HEATR5A: variants seen among roughly 807,000 people sequenced by gnomAD.
HEATR5A encodes the protein HEAT repeat containing 5A.
In HEATR5A, 178 loss-of-function variants were observed where a neutral mutation model predicts 218.8. The observed-to-expected ratio is 0.81, with a 90% CI of 0.72 to 0.92. The LOEUF (loss-of-function observed/expected upper bound fraction) is 0.92. HEATR5A is among the 40% of genes least tolerant of loss of function. The pLI, the probability that HEATR5A is intolerant of heterozygous loss-of-function variation, is 0.00. For missense variants in HEATR5A, 2,420 were observed against 2,418.9 expected (o/e 1.00, Z -0.01); for synonymous variants, 864 against 871.6 (o/e 0.99, Z 0.15).
At position 31,403,004 on chromosome 14, in the gene HEATR5A, C is replaced by T. The variant is rs1219074228; in HGVS notation, c.-29G>A. 22 of 1,526,028 alleles carry T rather than the reference C, an allele frequency of 1.4e-5. No individual in the cohort carries two copies. The highest frequency in any genetic ancestry group is 1.9e-5 in the Non-Finnish European group (22 of 1,140,880). 94.5% of individuals were successfully genotyped at this position (1,526,028 alleles called of 1,614,324 possible). ...TTGCAGCAATCCTCCCAGCTGATCACAGTTCTTCTCGTTAAACTTTGGTCA... is the reference window on the plus strand; with the variant it reads ...TTGCAGCAATCCTCCCAGCTGATCATAGTTCTTCTCGTTAAACTTTGGTCA... On this transcript the variant is annotated 5_prime_UTR_variant, in exon 2 of 36. The change creates a new upstream start codon in the 5' untranslated region. Transcript: ENST00000543095.
intron 13 of HEATR5A, among the ~76,000 whole-genome samples, chr14:31,371,040 A>C (rs1415122966): frequency 2.0e-5 from 3 of 152,238 alleles, no homozygotes; most frequent in Non-Finnish European, 4.4e-5. Context: ...GTGGTAGCCA[A>C]ATTATGACCC....
intron 18 of HEATR5A, among the ~76,000 whole-genome samples, chr14:31,349,160 C>T (rs1040166360): frequency 7.9e-5 from 12 of 152,048 alleles, no homozygotes; most frequent in Non-Finnish European, 2.9e-5. Flanking sequence ...GAGGCTGAGG[C>T]GGGCGGAACA....
chr14:31,357,935 G>A (rs1288683358), intron 16 of HEATR5A, among the ~76,000 whole-genome samples: 1 of 152,150 alleles, frequency 6.6e-6, no homozygotes, highest in Admixed American at 6.6e-5. Context: ...GAATTGGGCC[G>A]CACAGCAGGA....
intron 13 of HEATR5A, chr14:31,371,559 G>A (rs561652143): frequency 4.6e-4 from 131 of 281,924 alleles, no homozygotes; most frequent in South Asian, 3.4e-3. Context: ...AGCTGAAAAG[G>A]TTAAGAGGCT....
At chr14:31,378,424 G>A (rs1028246050) in intron 11 of HEATR5A, among the ~76,000 whole-genome samples, 1 of 152,144 alleles carries the variant, frequency 6.6e-6, no homozygotes, top group African/African-American at 2.4e-5. Context: ...AATAAATATT[G>A]GTAGTAGGCC....
intron 4 of HEATR5A, among the ~76,000 whole-genome samples, chr14:31,397,860 T>C (rs1038371051): frequency 1.3e-5 from 2 of 152,124 alleles, no homozygotes; most frequent in Admixed American, 6.5e-5. Context: ...TCTTCCAGTG[T>C]TGCCCAGGTG....
chr14:31,363,408 T>C (rs2139239069), intron 14 of HEATR5A, among the ~76,000 whole-genome samples: 1 of 152,252 alleles, frequency 6.6e-6, no homozygotes, highest in East Asian at 1.9e-4. Context: ...TTTAAATTGA[T>C]AGATGGCAAA....
chr14:31,351,342 A>C (rs1901220724), intron 16 of HEATR5A, among the ~76,000 whole-genome samples: 1 of 152,068 alleles, frequency 6.6e-6, no homozygotes, highest in South Asian at 2.1e-4. Context: ...GAAATCAAAA[A>C]GTTAGCTAGG....
At chr14:31,357,295 G>A (rs1339009835) in intron 16 of HEATR5A, among the ~76,000 whole-genome samples, 1 of 152,154 alleles carries the variant, frequency 6.6e-6, no homozygotes, top group Non-Finnish European at 1.5e-5. Flanking sequence ...AGAGGTGTTG[G>A]TGATGAAATT....
intron 23 of HEATR5A, among the ~76,000 whole-genome samples, chr14:31,325,484 ATATGTATGTATGTATGTATG>A (rs543647892): frequency 7.0e-6 from 1 of 142,172 alleles, no homozygotes; most frequent in East Asian, 1.9e-4. Context: ...ATGTATGAAC[ATATGTATGTATGTATGTATG>A]TATGTATGTA....
rs188345764 is a variant in HEATR5A at position 31,394,679 on chromosome 14, A to G, written c.598-453T>C. On this transcript the variant is annotated intron_variant, in intron 5 of 35. Transcript: ENST00000543095. Reference sequence around the variant, plus strand: ...AAATACAAAAAAAAATTAGCTGGGCATGGTGGCAGGCACCTGTAGTCCTGG... The same window carrying G: ...AAATACAAAAAAAAATTAGCTGGGCGTGGTGGCAGGCACCTGTAGTCCTGG... 1.0e-3 allele frequency among the ~76,000 whole-genome samples: 158 copies of G among 152,204 alleles called. 1 individual carries two copies. Among genetic ancestry groups the G allele is most frequent in the East Asian group, 3.9e-4 (2 of 5,174 alleles).
At chr14:31,373,892 A>G (rs1267120935) in intron 12 of HEATR5A, among the ~76,000 whole-genome samples, 2 of 152,164 alleles carry the variant, frequency 1.3e-5, no homozygotes, top group African/African-American at 4.8e-5. Flanking sequence ...GACCTTTATG[A>G]TGATCTACTT....
At chr14:31,376,829 T>TA (rs1197986843) in intron 11 of HEATR5A, among the ~76,000 whole-genome samples, 1 of 152,074 alleles carries the variant, frequency 6.6e-6, no homozygotes, top group Non-Finnish European at 1.5e-5. Context: ...GATTGCTGTC[T>TA]AAAAATCATT....
rs61744823 is a variant in HEATR5A at position 31,383,648 on chromosome 14, C to T, written c.1469G>A (p.Arg490His). The T allele has an allele frequency of 1.8e-3, 2,963 of 1,613,920 alleles. 41 individuals carry two copies. The African/African-American group carries it at 0.031, about 17-fold the overall frequency. Residue 490 changes from arginine to histidine, a missense_variant, in exon 10 of 36, where the codon CGT (arginine) becomes CAT (histidine). Arg to His is a conservative substitution (Grantham distance 29, BLOSUM62 0). Coordinates refer to ENST00000543095, the MANE Select transcript of HEATR5A (RefSeq NM_015473.4). ...LPSYLTPLLD[R>H]CLERLTGHKS... ...ATGTCCAGTAAGCCGTTCAAGGCAA[C>T]GATCCAAGAGTGGTGTTAGGTAGGA...
intron 3 of HEATR5A, among the ~76,000 whole-genome samples, chr14:31,399,155 A>C (rs563225761): frequency 1.3e-5 from 2 of 152,240 alleles, no homozygotes; most frequent in South Asian, 4.1e-4. Context: ...GTGGACATAC[A>C]GTTATACTGG....
chr14:31,305,092 C>T lies in HEATR5A; in HGVS notation c.5052G>A (p.Leu1684=), dbSNP rs1276916769. ...DTGGLVPGKS[L]VFATLELCVC... ...CACACAATTCCAGTGTTGCAAAGAC[C>T]AAAGACTTTCCAGGCACAAGTCCTC... Residue 1684 remains leucine, a synonymous_variant, in exon 32 of 36, where the codon TTG becomes TTA. Coordinates refer to ENST00000543095, the MANE Select transcript of HEATR5A (RefSeq NM_015473.4). 3 of 1,613,798 alleles carry T rather than the reference C, an allele frequency of 1.9e-6. No homozygotes were observed. Among genetic ancestry groups the T allele is most frequent in the East Asian group, 2.2e-5 (1 of 44,898 alleles).
intron 13 of HEATR5A, among the ~76,000 whole-genome samples, chr14:31,365,507 C>A (rs371979127): frequency 2.3e-4 from 35 of 151,860 alleles, no homozygotes; most frequent in African/African-American, 8.5e-4. Context: ...ACTACAGGCA[C>A]GTGCCACCAC....
At chr14:31,335,622 T>C (rs2139190576) in intron 22 of HEATR5A, among the ~76,000 whole-genome samples, 1 of 152,284 alleles carries the variant, frequency 6.6e-6, no homozygotes, top group Admixed American at 6.5e-5. Context: ...TTTCTAAAAG[T>C]ATGATGGTAC....
Position 31,371,823 on chromosome 14 carries a change from C to A in HEATR5A, c.1948G>T (p.Asp650Tyr), listed in dbSNP as rs1424489731. 2.6e-6 allele frequency: 4 copies of A among 1,520,908 alleles called. No homozygotes were observed. Among genetic ancestry groups the A allele is most frequent in the Non-Finnish European group, 3.6e-6 (4 of 1,124,594 alleles). 94.2% of individuals were successfully genotyped at this position (1,520,908 alleles called of 1,614,324 possible). A position where few individuals can be genotyped will look rare whatever the true frequency, so the allele number is the denominator to read the frequency against. ...RLLPPLPCAV[D>Y]LLTQLSSILK... ...GTCGATGCTTACTGAGTTAGCAAAT[C>A]CACAGCACAAGGAAGTGGTGGAAGA... Residue 650 changes from aspartate (D) to tyrosine (Y), a missense_variant, in exon 13 of 36, where the codon GAT becomes TAT. By Grantham distance (160) the Asp-to-Tyr change is radical. Transcript: ENST00000543095.
Sources: gnomAD v4.1 joint callset for allele counts (sites outside exome capture counted in the v4.1 genomes callset) on GRCh38, gnomAD v4.1.1 for gene constraint, MANE v1.5 for transcripts, NCBI Gene and HGNC (gene_info 2026-07-23, HGNC 2026-07-21) for gene names.